Variants in GNB1 observed in about 807,000 individuals in gnomAD.
The protein encoded by GNB1 is G protein subunit beta 1, also known as guanine nucleotide-binding protein G(I)/G(S)/G(T) subunit beta-1.
A neutral mutation model predicts 42.9 loss-of-function variants in GNB1; 2 were observed. The observed-to-expected ratio is 0.05, with a 90% CI of 0.02 to 0.15. The LOEUF (loss-of-function observed/expected upper bound fraction) is 0.15. Among genes scored for constraint, GNB1 ranks in the 10% least tolerant of loss-of-function variants. The probability of loss-of-function intolerance (pLI) is 1.00; values close to 1 mark genes in which losing one functional copy is unlikely to be tolerated. For missense variants in GNB1, 193 were observed against 462.2 expected, an observed-to-expected ratio of 0.42 and a Z score of 5.34; for synonymous variants, 183 against 174.7, an observed-to-expected ratio of 1.05 and a Z score of -0.38.
chr1:1,845,820 TCCA>T (rs1301010161), intron 1 of GNB1, among the ~76,000 whole-genome samples: 9 of 125,652 alleles, frequency 7.2e-5, no homozygotes, highest in African/African-American at 2.9e-4. Flanking sequence ...TGTGTGTAAG[TCCA>T]TACACACACA....
intron 1 of GNB1, among the ~76,000 whole-genome samples, chr1:1,859,636 G>T (rs1236137082): frequency 6.9e-6 from 1 of 144,490 alleles, no homozygotes; most frequent in African/African-American, 2.5e-5. Context: ...AAAATGTAAA[G>T]AAAGGGGGAG....
chr1:1,814,629 G>C (rs914601312), intron 5 of GNB1, among the ~76,000 whole-genome samples: 2 of 151,806 alleles, frequency 1.3e-5, no homozygotes, highest in African/African-American at 4.8e-5. Context: ...GGGAGACCCT[G>C]TCTCTGTAAA....
At chr1:1,879,414 A>G (rs1649718401) in intron 1 of GNB1, among the ~76,000 whole-genome samples, 1 of 152,194 alleles carries the variant, frequency 6.6e-6, no homozygotes, top group African/African-American at 2.4e-5. Flanking sequence ...ATAAAGAACA[A>G]CTACTTTCTA....
chr1:1,842,048 C>A (rs1224136500), intron 1 of GNB1, among the ~76,000 whole-genome samples: 1 of 152,236 alleles, frequency 6.6e-6, no homozygotes, highest in African/African-American at 2.4e-5. Context: ...TGGCTCACGC[C>A]TGTAATCCCA....
chr1:1,861,385 C>CTACA (rs1420862491), intron 1 of GNB1, among the ~76,000 whole-genome samples: 3 of 151,534 alleles, frequency 2.0e-5, no homozygotes. Flanking sequence ...GAGGTCAAGG[C>CTACA]TACAGCAAGT....
chr1:1,862,702 G>A (rs566233708), intron 1 of GNB1, among the ~76,000 whole-genome samples: 27 of 151,912 alleles, frequency 1.8e-4, no homozygotes, highest in East Asian at 3.9e-4. Context: ...TCAAGCAATC[G>A]GCTGCCTTGA....
intron 1 of GNB1, among the ~76,000 whole-genome samples, chr1:1,870,662 T>C (rs1236511707): frequency 6.6e-6 from 1 of 152,150 alleles, no homozygotes; most frequent in East Asian, 1.9e-4. Flanking sequence ...GTTCAACCCA[T>C]TTCTGATATA....
chr1:1,832,076 A>AT (rs1033533667), intron 2 of GNB1, among the ~76,000 whole-genome samples: 3 of 151,538 alleles, frequency 2.0e-5, no homozygotes, highest in African/African-American at 7.3e-5. Flanking sequence ...AAAAAAAAAA[A>AT]AAAGAAAAGA....
intron 1 of GNB1, among the ~76,000 whole-genome samples, chr1:1,876,311 G>T (rs56407182): frequency 6.6e-6 from 1 of 151,328 alleles, no homozygotes; most frequent in South Asian, 2.1e-4. Flanking sequence ...AGAAGGACTT[G>T]TTTTTTTTTA....
intron 1 of GNB1, among the ~76,000 whole-genome samples, chr1:1,855,029 G>C (rs1301639776): frequency 6.6e-6 from 1 of 152,068 alleles, no homozygotes; most frequent in Admixed American, 6.5e-5. Flanking sequence ...CGCAGTGGCA[G>C]TCACCTGTAA....
chr1:1,843,354 G>C (rs2101290912), intron 1 of GNB1, among the ~76,000 whole-genome samples: 1 of 152,078 alleles, frequency 6.6e-6, no homozygotes, highest in Non-Finnish European at 1.5e-5. Flanking sequence ...TGAGTAGCTG[G>C]GACCACAGGT....
In GNB1 at chr1:1,787,787, G is replaced by A. The variant is rs186982652; in HGVS notation, c.917-350C>T. On this transcript the variant is annotated intron_variant, in intron 10 of 11. Transcript: ENST00000378609. This position sits in a 1 kb window ranked among gnomAD's most constrained non-coding sequence, Gnocchi z 4.4. The stretch of plus-strand genomic sequence containing the variant: ...TGGCTTAGGCCTGTAATCCCAGCAC[G>A]TTGGAAGGCCGAGGCAGGCAGATCA... Among the ~76,000 whole-genome samples, 86 of 152,186 alleles carry A rather than the reference G, an allele frequency of 5.7e-4. No homozygotes were observed. The highest frequency in any genetic ancestry group is 1.9e-3 in the African/African-American group (80 of 41,520).
intron 1 of GNB1, among the ~76,000 whole-genome samples, chr1:1,851,226 C>G (rs1240225438): frequency 1.3e-5 from 2 of 152,152 alleles, no homozygotes; most frequent in Non-Finnish European, 2.9e-5. Context: ...GCCTGACCAA[C>G]ATGGAGAAAC....
At chr1:1,816,644 C>CTTTTTT (rs59065707) in intron 4 of GNB1, among the ~76,000 whole-genome samples, 1 of 108,638 alleles carries the variant, frequency 9.2e-6, no homozygotes, top group East Asian at 2.8e-4. Context: ...TTTTTATTAT[C>CTTTTTT]TTTTTTTTTT....
chr1:1,801,494 G>C (rs575079236), intron 7 of GNB1, among the ~76,000 whole-genome samples: 1 of 152,296 alleles, frequency 6.6e-6, no homozygotes, highest in South Asian at 2.1e-4. Context: ...CCGTGTGGCT[G>C]TGAGTTCCTT....
At chr1:1,815,235 A>G (rs1232112035) in intron 5 of GNB1, among the ~76,000 whole-genome samples, 1 of 152,206 alleles carries the variant, frequency 6.6e-6, no homozygotes. Flanking sequence ...TGGTGAGAGC[A>G]GCTCACAGCG....
intron 7 of GNB1, among the ~76,000 whole-genome samples, chr1:1,804,012 G>C (rs1196521938): frequency 8.1e-6 from 1 of 123,010 alleles, no homozygotes; most frequent in East Asian, 2.5e-4. Context: ...AAGAAAAAAA[G>C]GCTGGGTGTG....
At chr1:1,829,202 G>T (rs1400931458) in intron 2 of GNB1, among the ~76,000 whole-genome samples, 2 of 151,828 alleles carry the variant, frequency 1.3e-5, no homozygotes, top group East Asian at 3.9e-4. Context: ...AATTACAGGC[G>T]TATGCTACCA....
chr1:1,882,222 TC>T lies in GNB1; in HGVS notation c.-96+8597del, dbSNP rs1649885396. Among the ~76,000 whole-genome samples the T allele has an allele frequency of 5.9e-5, 9 of 151,408 alleles. No individual in the cohort carries two copies. In the South Asian group the frequency reaches 1.9e-3, roughly 32 times the overall value. ...CTAACACTTTGGGAGGCCAAGGAGTTCAAGAGCGGCATGGGCAACAAGGTGA... is the reference window on the plus strand; with the variant it reads ...CTAACACTTTGGGAGGCCAAGGAGTTAAGAGCGGCATGGGCAACAAGGTGA... On this transcript the variant is annotated intron_variant, in intron 1 of 11. Coordinates refer to ENST00000378609, the MANE Select transcript of GNB1 (RefSeq NM_002074.5).
Sources: allele counts gnomAD v4.1 joint callset (sites outside exome capture counted in the v4.1 genomes callset), GRCh38; gene constraint gnomAD v4.1.1; non-coding constraint Gnocchi (gnomAD v3.1); transcripts MANE v1.5; gene names NCBI Gene and HGNC (gene_info 2026-07-23, HGNC 2026-07-21).